The following KLHL4 variants were observed in gnomAD, a reference collection of about 807,000 sequenced individuals.
KLHL4 encodes the protein kelch-like protein 4.
Under a neutral mutation model 45.8 loss-of-function variants are expected in KLHL4, and 17 were observed. The ratio of observed to expected loss-of-function variants is 0.37; its 90% CI spans 0.25 to 0.56. KLHL4 has a LOEUF of 0.56. Ranked by LOEUF, KLHL4 falls within the 20% of genes least tolerant of loss-of-function variation. The probability of loss-of-function intolerance (pLI) is 0.79; values close to 1 mark genes in which losing one functional copy is unlikely to be tolerated. For synonymous variants in KLHL4, 224 were observed against 189.9 expected (o/e 1.18, Z -1.47); for missense variants, 544 against 544.9 (o/e 1.00, Z 0.02).
chrX:87,641,711 G>A (rs1460831597), intron 9 of KLHL4, among the ~76,000 whole-genome samples: 2 of 111,016 alleles, frequency 1.8e-5, no homozygotes, highest in Non-Finnish European at 3.8e-5. Context: ...AAGCATAGTG[G>A]GAGTGAGATC....
chrX:87,606,773 T>A (rs1922212283), intron 1 of KLHL4, among the ~76,000 whole-genome samples: 2 of 111,502 alleles, frequency 1.8e-5, no homozygotes, highest in Admixed American at 9.5e-5. Flanking sequence ...CTTTTGAAAG[T>A]CAATTGTTTA....
chrX:87,578,953 C>T (rs1180195240), intron 1 of KLHL4, among the ~76,000 whole-genome samples: 1 of 111,924 alleles, frequency 8.9e-6, no homozygotes, highest in Non-Finnish European at 1.9e-5. Context: ...CTCTAACATC[C>T]TGGACTTCCA....
At chrX:87,545,151 T>C (rs893938288) in intron 1 of KLHL4, among the ~76,000 whole-genome samples, 1 of 112,574 alleles carries the variant, frequency 8.9e-6, no homozygotes, top group African/African-American at 3.2e-5. Flanking sequence ...GAAAATGCAA[T>C]TGGCATACTG....
chrX:87,613,724 A>G (rs929674924), intron 1 of KLHL4, among the ~76,000 whole-genome samples, 153 bp from the exon 2 acceptor site: 1 of 112,026 alleles, frequency 8.9e-6, no homozygotes, highest in African/African-American at 3.2e-5. Context: ...AAGATCGGAA[A>G]ACAGATTTTA....
rs372248303 is a variant in KLHL4, at chrX:87,565,389, A to G, written c.422+47074A>G. Among the ~76,000 whole-genome samples the G allele has an allele frequency of 9.0e-5, 10 of 111,563 alleles. No individual in the cohort carries two copies. In the East Asian group the frequency reaches 2.8e-3, roughly 32 times the overall value. On this transcript the variant is annotated intron_variant, in intron 1 of 10. Coordinates refer to ENST00000373119, the MANE Select transcript of KLHL4 (RefSeq NM_019117.5). ...GACCTAGTAAAATTGACAAACCTTT[A>G]GCTAGCCTGACCAAGTTAATATGAG...
chrX:87,621,535 T>A (rs868078759), intron 4 of KLHL4, among the ~76,000 whole-genome samples: 2 of 79,587 alleles, frequency 2.5e-5, no homozygotes, highest in Non-Finnish European at 4.9e-5. Flanking sequence ...AAAAAAAAAA[T>A]ACGAAAATAT....
intron 9 of KLHL4, among the ~76,000 whole-genome samples, chrX:87,659,985 CGTGT>C (rs1272543051): frequency 2.1e-5 from 2 of 95,916 alleles, no homozygotes; most frequent in Non-Finnish European, 4.2e-5. Context: ...TGTGTGTGCA[CGTGT>C]GTGTATTTGA....
intron 1 of KLHL4, among the ~76,000 whole-genome samples, chrX:87,587,522 A>G (rs1241950459): frequency 3.6e-5 from 4 of 111,904 alleles, no homozygotes; most frequent in Admixed American, 9.5e-5. Flanking sequence ...GATACATCAT[A>G]TCAACAGAAT....
chrX:87,648,605 G>A (rs1424023977), intron 9 of KLHL4, among the ~76,000 whole-genome samples: 1 of 111,479 alleles, frequency 9.0e-6, no homozygotes, highest in Non-Finnish European at 1.9e-5. Context: ...GTCAAACAAT[G>A]ACATAAAGGA....
intron 7 of KLHL4, 68 bp downstream of exon 7, chrX:87,632,502 G>A: frequency 1.4e-6 from 1 of 729,246 alleles, no homozygotes; most frequent in Non-Finnish European, 2.0e-6. Flanking sequence ...ATTAAATCTA[G>A]CAGCACATTA....
intron 1 of KLHL4, among the ~76,000 whole-genome samples, chrX:87,521,562 A>G (rs1356359463): frequency 1.8e-5 from 2 of 111,682 alleles, no homozygotes; most frequent in African/African-American, 3.2e-5. Flanking sequence ...TTGAAAGAAT[A>G]GAGTGAAGTA....
intron 1 of KLHL4, among the ~76,000 whole-genome samples, chrX:87,568,681 G>A (rs1569343652): frequency 1.8e-5 from 2 of 110,966 alleles, no homozygotes; most frequent in African/African-American, 3.3e-5. Context: ...AGAAGCTTCA[G>A]AACTAAACCC....
chrX:87,536,075 T>G (rs1931422420), intron 1 of KLHL4, among the ~76,000 whole-genome samples: 1 of 111,263 alleles, frequency 9.0e-6, no homozygotes, highest in African/African-American at 3.3e-5. Context: ...AGATACTTCT[T>G]TATAGCAATG....
intron 1 of KLHL4, among the ~76,000 whole-genome samples, chrX:87,544,065 C>G: frequency 9.0e-6 from 1 of 110,981 alleles, no homozygotes; most frequent in East Asian, 2.9e-4. Context: ...ATTTCTGGAC[C>G]TGCCCTAGGC....
rs747927623 is a variant in KLHL4 at position 87,669,408 on chromosome X, C to A, written c.*2874C>A. ...CTGGGGCACTAAATTCAGATCCTTT[C>A]TCCACACAGCAATGACATTTATCAA... On this transcript the variant is annotated 3_prime_UTR_variant, in exon 11 of 11. Coordinates refer to ENST00000373119, the MANE Select transcript of KLHL4 (RefSeq NM_019117.5). The A allele has an allele frequency of 1.4e-5, 17 of 1,208,561 alleles. No homozygotes were observed. The highest frequency in any genetic ancestry group is 1.9e-5 in the Non-Finnish European group (17 of 893,746).
chrX:87,551,465 C>T (rs1235073043), intron 1 of KLHL4, among the ~76,000 whole-genome samples: 2 of 111,214 alleles, frequency 1.8e-5, no homozygotes, highest in African/African-American at 6.5e-5. Flanking sequence ...CATGAAAATA[C>T]TACCATCATT....
Position 87,649,986 on chromosome X carries a change from C to T in KLHL4, c.1925+14211C>T, listed in dbSNP as rs745527151. Among the ~76,000 whole-genome samples, 255 of 111,152 alleles carry T rather than the reference C, an allele frequency of 2.3e-3. 1 individual carries two copies. The highest frequency in any genetic ancestry group is 8.1e-3 in the African/African-American group (244 of 30,303). On this transcript the variant is annotated intron_variant, in intron 9 of 10. Transcript: ENST00000373119. ...TTGTTCATTTTCTAGATTGTTTTTG[C>T]TACTTTGGGTCTCTTGAGATTCTAT...
At chrX:87,646,074 G>T (rs997300207) in intron 9 of KLHL4, among the ~76,000 whole-genome samples, 2 of 111,327 alleles carry the variant, frequency 1.8e-5, no homozygotes, top group African/African-American at 6.5e-5. Context: ...ACACAAATCT[G>T]TAGCTCTGCT....
intron 1 of KLHL4, among the ~76,000 whole-genome samples, chrX:87,607,511 C>A (rs191471810): frequency 9.0e-6 from 1 of 111,657 alleles, no homozygotes; most frequent in Admixed American, 9.6e-5. Context: ...CCTGCATATG[C>A]CCTTAAATTC....
Sources: allele counts gnomAD v4.1 joint callset (sites outside exome capture counted in the v4.1 genomes callset), GRCh38; gene constraint gnomAD v4.1.1; transcripts MANE v1.5; gene names NCBI Gene and HGNC (gene_info 2026-07-23, HGNC 2026-07-21).